HUWE1: variants seen among roughly 807,000 people sequenced by gnomAD.
The protein encoded by HUWE1 is E3 ubiquitin-protein ligase HUWE1.
A neutral mutation model predicts 299.4 loss-of-function variants in HUWE1; 18 were observed. That is an observed-to-expected ratio of 0.06 (90% CI 0.04 to 0.09). The LOEUF is 0.09. Ranked by LOEUF, HUWE1 falls within the 10% of genes least tolerant of loss-of-function variation. The probability of loss-of-function intolerance (pLI) is 1.00; values close to 1 mark genes in which losing one functional copy is unlikely to be tolerated. For missense variants in HUWE1, 1,832 were observed against 3,462.3 expected (o/e 0.53, Z 11.82); for synonymous variants, 1,317 against 1,286.1 (o/e 1.02, Z -0.51).
chrX:53,627,980 C>T (rs2066626245), intron 15 of HUWE1, 101 bp from the exon 16 acceptor site: 2 of 750,547 alleles, frequency 2.7e-6, no homozygotes, highest in Non-Finnish European at 4.1e-6. Flanking sequence ...CTCAGTAAGG[C>T]AGCACAGTAT....
In HUWE1 at chrX:53,536,104, C is replaced by A. The variant is rs369848701; in HGVS notation, c.12531+43G>T. ...TAAGGTGAACCTGGAATGGATCTTC[C>A]AGATTGGCTGGGATGTGCTGTGATT... On this transcript the variant is annotated intron_variant, in intron 80 of 83. Coordinates refer to ENST00000262854, the MANE Select transcript of HUWE1 (RefSeq NM_031407.7). The A allele has an allele frequency of 3.9e-4, 336 of 864,137 alleles. No homozygotes were observed. Among genetic ancestry groups the A allele is most frequent in the Admixed American group, 5.1e-4 (23 of 44,778 alleles). The allele number at this position is 864,137 out of a possible 1,213,427, so 71.2% of individuals were successfully genotyped here. A position where few individuals can be genotyped will look rare whatever the true frequency, so the allele number is the denominator to read the frequency against.
Position 53,547,752 on chromosome X carries a change from A to G in HUWE1, c.10557T>C (p.Ala3519=), listed in dbSNP as rs1556924227. 2 of 1,205,193 alleles carry G rather than the reference A, an allele frequency of 1.7e-6. No individual in the cohort carries two copies. Among genetic ancestry groups the G allele is most frequent in the Non-Finnish European group, 2.2e-6 (2 of 891,307 alleles). ...TPVTSAPALV[A]ATAISTIVVA... ...CGACAATGGTGGAAATAGCCGTGGC[A>G]GCAACCAGGGCTGGAGCAGAAGTGA... Residue 3519 remains alanine, a synonymous_variant, in exon 68 of 84, where the codon GCT becomes GCC. Coordinates refer to ENST00000262854, the MANE Select transcript of HUWE1 (RefSeq NM_031407.7).
intron 25 of HUWE1, among the ~76,000 whole-genome samples, chrX:53,605,451 G>A (rs958111216): frequency 8.9e-6 from 1 of 111,921 alleles, no homozygotes; most frequent in Non-Finnish European, 1.9e-5. Context: ...TCTCTGTGAT[G>A]AAGAGCATTT....
intron 48 of HUWE1, among the ~76,000 whole-genome samples, chrX:53,569,108 T>C (rs970585822): frequency 8.9e-6 from 1 of 111,823 alleles, no homozygotes; most frequent in African/African-American, 3.3e-5. Context: ...CTTGGCTCAC[T>C]GCAACCTTCC....
intron 7 of HUWE1, among the ~76,000 whole-genome samples, chrX:53,638,336 T>C (rs2067352272): frequency 9.0e-6 from 1 of 110,736 alleles, no homozygotes; most frequent in African/African-American, 3.3e-5. Flanking sequence ...CGAGACTCCG[T>C]CTCAAAAAAA....
chrX:53,660,318 A>AC lies in HUWE1; in HGVS notation c.-24-6188_-24-6187insG, dbSNP rs1318499619. ...ATTTGCATGAGTGGCGCTAGACTCT[A>AC]AGTCCCAAGTGTAAGCATTTGATGC... On this transcript the variant is annotated intron_variant, in intron 3 of 83. Coordinates refer to ENST00000262854, the MANE Select transcript of HUWE1 (RefSeq NM_031407.7). Among the ~76,000 whole-genome samples the AC allele has an allele frequency of 2.7e-5, 3 of 112,095 alleles. No homozygotes were observed. In the Admixed American group the frequency reaches 2.8e-4, roughly 11 times the overall value.
In HUWE1 at chrX:53,603,441, T is replaced by C. The variant is rs782147527; in HGVS notation, c.2803A>G (p.Ser935Gly). Residue 935 changes from serine (S) to glycine (G), a missense_variant, in exon 27 of 84, where the codon AGC becomes GGC. Physicochemically the swap from Ser to Gly is moderately conservative, Grantham distance 56. Coordinates refer to ENST00000262854, the MANE Select transcript of HUWE1 (RefSeq NM_031407.7). ...GAACAGTATAACTGGCTCAGCTTGCTCAAAACACTCAGACCCAATTGAGAG... is the reference window on the plus strand; with the variant it reads ...GAACAGTATAACTGGCTCAGCTTGCCCAAAACACTCAGACCCAATTGAGAG... Reference protein sequence around the residue: ...WGSQLGLSVLSKLSQLYCSLV... With the variant: ...WGSQLGLSVLGKLSQLYCSLV... The C allele has an allele frequency of 3.3e-6, 4 of 1,207,567 alleles. No individual in the cohort carries two copies. The highest frequency in any genetic ancestry group is 1.7e-5 in the African/African-American group (1 of 57,630).
rs782105476 is a variant in HUWE1, at chrX:53,577,472, A to C, written c.5717-405T>G. Among the ~76,000 whole-genome samples, 22 of 96,149 alleles carry C rather than the reference A, an allele frequency of 2.3e-4. No homozygotes were observed. The East Asian group carries it at 5.7e-3, about 25-fold the overall frequency. 83.5% of individuals were successfully genotyped at this position (96,149 alleles called of 115,157 possible). On this transcript the variant is annotated intron_variant, in intron 43 of 83. Coordinates refer to ENST00000262854, the MANE Select transcript of HUWE1 (RefSeq NM_031407.7). ...AACGTTTTATTAAAAAAAAAAAAAA[A>C]AAAACTCCCTCTCCCTCCTCTCCCT... is the stretch of plus-strand genomic sequence containing the variant.
In HUWE1 at chrX:53,594,595, C is replaced by G; in HGVS notation, c.3407G>C (p.Gly1136Ala). 8.3e-7 allele frequency: 1 copy of G among 1,210,255 alleles called. No homozygotes were observed. The highest frequency in any genetic ancestry group is 1.1e-6 in the Non-Finnish European group (1 of 894,456). Residue 1136 changes from glycine to alanine, a missense_variant, in exon 31 of 84, where the codon GGT becomes GCT. Gly to Ala is a moderately conservative substitution (Grantham distance 60, BLOSUM62 0). Coordinates refer to ENST00000262854, the MANE Select transcript of HUWE1 (RefSeq NM_031407.7). ...FRLTFFICSV[G>A]FTSPMLFDER... is the part of the protein sequence containing the mutation. Reference sequence around the variant, plus strand: ...ATCAAACAGCATTGGGGATGTGAAACCAACTGAACAGATGAAGAATGTCAG... The same window carrying G: ...ATCAAACAGCATTGGGGATGTGAAAGCAACTGAACAGATGAAGAATGTCAG...
At chrX:53,562,769 G>T in intron 53 of HUWE1, 62 bp downstream of exon 53, 1 of 920,897 alleles carries the variant, frequency 1.1e-6, no homozygotes. Flanking sequence ...GAAAACCCTA[G>T]TGTAGTGTCT....
chrX:53,633,908 GT>G (rs781881679), intron 8 of HUWE1, among the ~76,000 whole-genome samples: 63 of 112,226 alleles, frequency 5.6e-4, no homozygotes, highest in African/African-American at 2.0e-3. Flanking sequence ...TAGTTCCAGT[GT>G]GAGAATGCAA....
intron 29 of HUWE1, among the ~76,000 whole-genome samples, chrX:53,599,290 G>T (rs1375405994): frequency 8.9e-6 from 1 of 112,168 alleles, no homozygotes; most frequent in African/African-American, 3.2e-5. Flanking sequence ...AATAAATGGA[G>T]AATTAAACTA....
intron 47 of HUWE1, among the ~76,000 whole-genome samples, chrX:53,573,358 C>A (rs1206651385): frequency 8.9e-6 from 1 of 111,974 alleles, no homozygotes; most frequent in Non-Finnish European, 1.9e-5. Flanking sequence ...GCAATCTCTG[C>A]CTCCTGGGTT....
chrX:53,627,009 T>A (rs1342680872), intron 17 of HUWE1, among the ~76,000 whole-genome samples: 27 of 111,296 alleles, frequency 2.4e-4, no homozygotes, highest in African/African-American at 8.9e-4. Flanking sequence ...TTTTAGTCTC[T>A]CTCTCTCTAC....
chrX:53,617,587 A>G (rs890757014), intron 19 of HUWE1, 141 bp from the exon 20 acceptor site: 25 of 478,195 alleles, frequency 5.2e-5, no homozygotes, highest in Admixed American at 2.3e-4. Context: ...TAAAGATCCT[A>G]ATACTGCTCC....
chrX:53,681,550 G>C (rs1397683220), intron 2 of HUWE1, among the ~76,000 whole-genome samples: 1 of 111,624 alleles, frequency 9.0e-6, no homozygotes, highest in Non-Finnish European at 1.9e-5. Flanking sequence ...GTATTAAAGA[G>C]CCAGCAGTAA....
intron 23 of HUWE1, among the ~76,000 whole-genome samples, chrX:53,610,925 C>A (rs2065420519): frequency 9.0e-6 from 1 of 110,872 alleles, no homozygotes; most frequent in Non-Finnish European, 1.9e-5. Flanking sequence ...AACTACAAAC[C>A]CTGGTTACTT....
intron 29 of HUWE1, among the ~76,000 whole-genome samples, chrX:53,599,255 T>C (rs1403424376): frequency 8.9e-6 from 1 of 112,500 alleles, no homozygotes; most frequent in Non-Finnish European, 1.9e-5. Flanking sequence ...CCTTTGAAGG[T>C]AATGTTGGTA....
Position 53,547,806 on chromosome X carries a change from C to G in HUWE1, c.10503G>C (p.Thr3501=). 1 of 1,198,090 alleles carries G rather than the reference C, an allele frequency of 8.3e-7. No individual in the cohort carries two copies. Among genetic ancestry groups the G allele is most frequent in the Non-Finnish European group, 1.1e-6 (1 of 888,231 alleles). ...GGGTGGGTGCAGTAGGGGGTGTGGG[C>G]GTGGTGGAGGCGGCAGTGGTGGTGG... is the stretch of plus-strand genomic sequence containing the variant. ...STTTTTAAST[T]PTPPTAPTPV... Residue 3501 remains threonine, a synonymous_variant, in exon 68 of 84, where the codon ACG becomes ACC. Coordinates refer to ENST00000262854, the MANE Select transcript of HUWE1 (RefSeq NM_031407.7).
Sources: gnomAD v4.1 joint callset for allele counts (sites outside exome capture counted in the v4.1 genomes callset) on GRCh38, gnomAD v4.1.1 for gene constraint, MANE v1.5 for transcripts, NCBI Gene and HGNC (gene_info 2026-07-23, HGNC 2026-07-21) for gene names.